The following BAZ1B variants were observed in gnomAD, a reference collection of about 807,000 sequenced individuals.
The protein encoded by BAZ1B is tyrosine-protein kinase BAZ1B.
Under a neutral mutation model 153.8 loss-of-function variants are expected in BAZ1B, and 22 were observed. That is an observed-to-expected ratio of 0.14 (90% CI 0.10 to 0.20). The LOEUF (loss-of-function observed/expected upper bound fraction) is 0.20. Ranked by LOEUF, BAZ1B falls within the 10% of genes least tolerant of loss-of-function variation. BAZ1B has a pLI of 1.00. For missense variants in BAZ1B, 1,325 were observed against 1,799.3 expected (o/e 0.74, Z 4.77); for synonymous variants, 676 against 633.4 (o/e 1.07, Z -1.01).
intron 3 of BAZ1B, among the ~76,000 whole-genome samples, chr7:73,505,117 C>G (rs1202710722): frequency 6.6e-6 from 1 of 152,086 alleles, no homozygotes; most frequent in Non-Finnish European, 1.5e-5. Flanking sequence ...TTTCTCAGCC[C>G]CCGCTGCAGC....
chr7:73,443,956 T>G (rs782108093), intron 17 of BAZ1B, 28 bp downstream of exon 17: 1 of 1,612,758 alleles, frequency 6.2e-7, no homozygotes, highest in Non-Finnish European at 8.5e-7. Flanking sequence ...ACAGAAAGGT[T>G]AGAGAAGGGA....
intron 6 of BAZ1B, among the ~76,000 whole-genome samples, chr7:73,487,428 CTAAAG>C (rs1789453942): frequency 6.6e-6 from 1 of 152,084 alleles, no homozygotes; most frequent in Non-Finnish European, 1.5e-5. Context: ...GACCCTGTCT[CTAAAG>C]TAAGAAATAA....
intron 6 of BAZ1B, 133 bp from the exon 7 acceptor site, chr7:73,478,702 T>C (rs1341086536): frequency 1.2e-5 from 9 of 748,774 alleles, no homozygotes; most frequent in South Asian, 4.0e-5. Context: ...CATAGATACT[T>C]TGTCCCTGAA....
intron 1 of BAZ1B, among the ~76,000 whole-genome samples, chr7:73,521,444 T>TA (rs1456379377): frequency 6.6e-6 from 1 of 152,144 alleles, no homozygotes; most frequent in Non-Finnish European, 1.5e-5. Flanking sequence ...AAAATTTTTG[T>TA]AAAAATTAAA....
chr7:73,498,114 C>G (rs1288552825), intron 4 of BAZ1B, among the ~76,000 whole-genome samples: 3 of 152,048 alleles, frequency 2.0e-5, no homozygotes, highest in Non-Finnish European at 4.4e-5. Context: ...CACCCACCAC[C>G]ACAAGCCGCT....
rs1365172545 is a variant in BAZ1B, at chr7:73,516,648, G to A, written c.107+5179C>T. 3.3e-5 allele frequency among the ~76,000 whole-genome samples: 5 copies of A among 151,616 alleles called. 1 individual carries two copies. Among genetic ancestry groups the A allele is most frequent in the African/African-American group, 7.3e-5 (3 of 41,262 alleles). On this transcript the variant is annotated intron_variant, in intron 1 of 19. Coordinates refer to ENST00000339594, the MANE Select transcript of BAZ1B (RefSeq NM_032408.4). ...AAAATAGCCAGGCATGGTGGCAGGC[G>A]CCTGTAATCCCAGCTACTTGGGAGG...
At chr7:73,467,662 C>A (rs1408317487) in intron 9 of BAZ1B, among the ~76,000 whole-genome samples, 1 of 152,220 alleles carries the variant, frequency 6.6e-6, no homozygotes, top group Non-Finnish European at 1.5e-5. Context: ...TCAGCCACTG[C>A]ATCCAGCCTC....
chr7:73,509,667 G>T (rs1289372717), intron 2 of BAZ1B, among the ~76,000 whole-genome samples: 1 of 152,040 alleles, frequency 6.6e-6, no homozygotes, highest in Non-Finnish European at 1.5e-5. Flanking sequence ...GCATACCACT[G>T]CACTCCACCC....
At chr7:73,508,529 T>C (rs1790437828) in intron 2 of BAZ1B, 58 bp from the exon 3 acceptor site, 1 of 1,482,336 alleles carries the variant, frequency 6.7e-7, no homozygotes, top group African/African-American at 1.4e-5. Flanking sequence ...AGAGATTTAA[T>C]TCAAGTCAAT....
chr7:73,452,653 C>T (rs1788060655), intron 13 of BAZ1B, among the ~76,000 whole-genome samples: 1 of 148,112 alleles, frequency 6.8e-6, no homozygotes, highest in Admixed American at 6.9e-5. Context: ...ACCCGGGAGG[C>T]GGAGGCTGCA....
At chr7:73,486,529 T>C (rs898692692) in intron 6 of BAZ1B, among the ~76,000 whole-genome samples, 35 of 152,174 alleles carry the variant, frequency 2.3e-4, no homozygotes, top group Non-Finnish European at 4.4e-4. Flanking sequence ...GGTTTCACCA[T>C]GTCAGCCAGG....
chr7:73,496,270 A>C (rs192874802), intron 4 of BAZ1B, among the ~76,000 whole-genome samples: 1 of 152,340 alleles, frequency 6.6e-6, no homozygotes, highest in East Asian at 1.9e-4. Context: ...GGGAAACTGG[A>C]AAATACAGAC....
intron 17 of BAZ1B, 120 bp downstream of exon 17, chr7:73,443,855 CCTCCCAAGT>C (rs1787721919): frequency 7.1e-7 from 1 of 1,408,280 alleles, no homozygotes; most frequent in South Asian, 1.2e-5. Context: ...GCCTCCCCAG[CCTCCCAAGT>C]TTGGTAAGAA....
rs1791080371 is a variant in BAZ1B, at chr7:73,522,027, G to C, written c.-94C>G. 2.2e-6 allele frequency: 2 copies of C among 889,512 alleles called. No individual in the cohort carries two copies. Among genetic ancestry groups the C allele is most frequent in the Non-Finnish European group, 3.0e-6 (2 of 677,350 alleles). The allele number at this position is 889,512 out of a possible 1,614,324, so 55.1% of individuals were successfully genotyped here. ...CCCGGAGCGAGCGCCAGGCGCCCGG[G>C]GGTGGGGTGGGGGAAGGGAGGGGTG... is the stretch of plus-strand genomic sequence containing the variant. On this transcript the variant is annotated 5_prime_UTR_variant, in exon 1 of 20. Coordinates refer to ENST00000339594, the MANE Select transcript of BAZ1B (RefSeq NM_032408.4).
intron 1 of BAZ1B, among the ~76,000 whole-genome samples, chr7:73,516,752 G>A (rs1426730330): frequency 1.4e-4 from 20 of 138,712 alleles, no homozygotes; most frequent in Non-Finnish European, 2.9e-4. Flanking sequence ...TCCAGCCTGG[G>A]CGACAGACTG....
chr7:73,455,339 G>C (rs1788156995), intron 13 of BAZ1B, among the ~76,000 whole-genome samples: 1 of 152,150 alleles, frequency 6.6e-6, no homozygotes, highest in Non-Finnish European at 1.5e-5. Context: ...ACTAAATAAT[G>C]GTTAGGACCT....
At chr7:73,499,592 C>T (rs1315244931) in intron 3 of BAZ1B, among the ~76,000 whole-genome samples, 17 of 152,158 alleles carry the variant, frequency 1.1e-4, no homozygotes, top group Non-Finnish European at 8.8e-5. Context: ...GTCTTAACTA[C>T]GGAGGAGGCT....
At chr7:73,460,192 GAAA>G (rs782211272) in intron 12 of BAZ1B, among the ~76,000 whole-genome samples, 8 of 73,868 alleles carry the variant, frequency 1.1e-4, no homozygotes, top group Admixed American at 1.6e-4. Context: ...CCGTCTCAGG[GAAA>G]AAAAAAAAAA....
Position 73,447,328 on chromosome 7 carries a change from A to G in BAZ1B, c.3780T>C (p.Asp1260=). Residue 1260 remains aspartate (D), a synonymous_variant, in exon 16 of 20, where the codon GAT becomes GAC. Transcript: ENST00000339594. ...CCTCTTCTTCCTCCTCCTCCTCTTC[A>G]TCACTCTCATCATCTTCACTGTCCT... ...ASEDSEDDES[D]EEEEEEEEEE... The G allele has an allele frequency of 6.2e-7, 1 of 1,613,034 alleles. No individual in the cohort carries two copies. The highest frequency in any genetic ancestry group is 8.5e-7 in the Non-Finnish European group (1 of 1,179,182).
Sources: gnomAD v4.1 joint callset for allele counts (sites outside exome capture counted in the v4.1 genomes callset) on GRCh38, gnomAD v4.1.1 for gene constraint, MANE v1.5 for transcripts, NCBI Gene and HGNC (gene_info 2026-07-23, HGNC 2026-07-21) for gene names.